CLPTM1L: variants seen among roughly 807,000 people sequenced by gnomAD.
The protein encoded by CLPTM1L is CLPTM1 like.
Under a neutral mutation model 70.9 loss-of-function variants are expected in CLPTM1L, and 38 were observed. The observed-to-expected ratio is 0.54, with a 90% confidence interval of 0.41 to 0.70. The LOEUF (loss-of-function observed/expected upper bound fraction) is 0.70. Among genes scored for constraint, CLPTM1L ranks in the 30% least tolerant of loss-of-function variants. CLPTM1L has a pLI of 0.00. For missense variants in CLPTM1L, 652 were observed against 705.9 expected, an observed-to-expected ratio of 0.92 and a Z score of 0.87; for synonymous variants, 339 against 299.9, an observed-to-expected ratio of 1.13 and a Z score of -1.35.
chr5:1,342,396 T>C lies in CLPTM1L; in HGVS notation c.264-536A>G, dbSNP rs1260857417. On this transcript the variant is annotated intron_variant, in intron 2 of 16. Transcript: ENST00000320895. This position sits in a 1 kb window ranked among gnomAD's most constrained non-coding sequence, Gnocchi z 4.3. ...AGATGATCAGCCACAAAGGACTGAC[T>C]TTCAAGGCTGTCAGTCCTGACTGTG... is the stretch of plus-strand genomic sequence containing the variant. Among the ~76,000 whole-genome samples the C allele has an allele frequency of 2.0e-5, 3 of 152,206 alleles. No individual in the cohort carries two copies. The highest frequency in any genetic ancestry group is 4.4e-5 in the Non-Finnish European group (3 of 68,024).
At position 1,338,885 on chromosome 5, in the gene CLPTM1L, C is replaced by T. The variant is rs1753756694; in HGVS notation, c.574G>A (p.Ala192Thr). The T allele has an allele frequency of 6.2e-7, 1 of 1,613,206 alleles. No individual in the cohort carries two copies. The highest frequency in any genetic ancestry group is 1.1e-5 in the South Asian group (1 of 91,092). The change falls in exon 4 of 17, where the codon GCC becomes ACC. Residue 192 changes from alanine to threonine, a missense_variant. By Grantham distance (58) the Ala-to-Thr change is moderately conservative. Coordinates refer to ENST00000320895, the MANE Select transcript of CLPTM1L (RefSeq NM_030782.5). ...NFVFDGSSLPADVHRYMKMIQ... is the reference protein window; with the variant it reads ...NFVFDGSSLPTDVHRYMKMIQ... Reference sequence around the variant, plus strand: ...ATCTTCATGTACCGATGCACATCGGCAGGCAGGGAGGACCCGTCAAAGACA... The same window carrying T: ...ATCTTCATGTACCGATGCACATCGGTAGGCAGGGAGGACCCGTCAAAGACA...
At chr5:1,328,655 TTCCAGCTCCTTGTCTACAGACACATTTCA>T (rs1752820940) in intron 9 of CLPTM1L, among the ~76,000 whole-genome samples, 6 of 111,806 alleles carry the variant, frequency 5.4e-5, no homozygotes, top group Non-Finnish European at 1.1e-4. Flanking sequence ...GACAGTTTTC[TTCCAGCTCCTTGTCTACAGACACATTTCA>T]TCCAGCTCCT....
intron 14 of CLPTM1L, 24 bp from the exon 15 acceptor site, chr5:1,321,703 G>A: frequency 6.2e-7 from 1 of 1,613,940 alleles, no homozygotes; most frequent in East Asian, 2.2e-5. Flanking sequence ...GACAGGCCCA[G>A]GTCAGCTGTG....
At chr5:1,322,105 C>T (rs1384534224) in intron 13 of CLPTM1L, among the ~76,000 whole-genome samples, 1 of 152,220 alleles carries the variant, frequency 6.6e-6, no homozygotes, top group Non-Finnish European at 1.5e-5. Flanking sequence ...AGCACTGGAG[C>T]ACCCTGGGGC....
At chr5:1,324,621 T>C (rs898120412) in intron 11 of CLPTM1L, 142 bp downstream of exon 11, 3 of 802,416 alleles carry the variant, frequency 3.7e-6, no homozygotes, top group African/African-American at 3.4e-5. Flanking sequence ...GTTTTATGTG[T>C]TCACTCTTGG....
Position 1,341,868 on chromosome 5 carries a change from A to C in CLPTM1L, c.264-8T>G. On this transcript the variant is annotated splice_polypyrimidine_tract_variant and splice_region_variant and intron_variant, in intron 2 of 16. Coordinates refer to ENST00000320895, the MANE Select transcript of CLPTM1L (RefSeq NM_030782.5). ...ACAGAAACATTAACTGTCCTGAAAC[A>C]GAACAATCATTTCCACTACATACAT... 6.2e-7 allele frequency: 1 copy of C among 1,604,218 alleles called. No homozygotes were observed. Among genetic ancestry groups the C allele is most frequent in the Non-Finnish European group, 8.5e-7 (1 of 1,171,970 alleles).
chr5:1,323,852 T>C lies in CLPTM1L; in HGVS notation c.1215A>G (p.Ser405=), dbSNP rs1752339348. 24 of 1,613,418 alleles carry C rather than the reference T, an allele frequency of 1.5e-5. No individual in the cohort carries two copies. Among genetic ancestry groups the C allele is most frequent in the Non-Finnish European group, 2.0e-5 (24 of 1,179,834 alleles). The change falls in exon 12 of 17, where the codon TCA becomes TCG. Residue 405 remains serine (S), a synonymous_variant. Coordinates refer to ENST00000320895, the MANE Select transcript of CLPTM1L (RefSeq NM_030782.5). ...CGACACAGAGAGGGTACAGCAGGTA[T>C]GACAAGTACTTCATGGCCTGCAGGG... is the stretch of plus-strand genomic sequence containing the variant. The part of the protein sequence containing the change: ...EYDTQAMKYL[S]YLLYPLCVGG...
chr5:1,325,850 T>A, intron 9 of CLPTM1L, 34 bp from the exon 10 acceptor site: 3 of 1,595,964 alleles, frequency 1.9e-6, no homozygotes, highest in Non-Finnish European at 2.6e-6. Context: ...GTTCCTTTAA[T>A]ATTCGAAGGC....
chr5:1,334,705 G>C (rs559154498), intron 6 of CLPTM1L, among the ~76,000 whole-genome samples: 1 of 152,202 alleles, frequency 6.6e-6, no homozygotes, highest in East Asian at 1.9e-4. Context: ...AGTAACCAGA[G>C]ATTGTGCCAC....
Position 1,338,944 on chromosome 5 carries a change from G to C in CLPTM1L, c.515C>G (p.Pro172Arg). 6.2e-7 allele frequency: 1 copy of C among 1,613,386 alleles called. No individual in the cohort carries two copies. Residue 172 changes from proline to arginine, a missense_variant, in exon 4 of 17, where the codon CCG (proline) becomes CGG (arginine). Around this residue, in one of 3 missense-constraint regions of CLPTM1L, gnomAD observed 402 missense variants for 388.2 expected, o/e 1.04. Transcript: ENST00000320895. ...CGCCATCACGTTCAGCGCCAGCCGC[G>C]GTCGCCAGTGGGACACTGGCTCATC... ...ALDEPVSHWR[P>R]RLALNVMADN... is the part of the protein sequence containing the mutation.
chr5:1,319,569 C>CA (rs1752033914), intron 16 of CLPTM1L, among the ~76,000 whole-genome samples: 1 of 152,226 alleles, frequency 6.6e-6, no homozygotes, highest in African/African-American at 2.4e-5. Context: ...CAAGGGCCGG[C>CA]ACCCCGGACC....
intron 10 of CLPTM1L, chr5:1,325,220 C>T: frequency 3.7e-6 from 1 of 268,096 alleles, no homozygotes; most frequent in Non-Finnish European, 7.1e-6. Context: ...CCCCCCTGCC[C>T]ACAGCATGGA....
At chr5:1,331,455 A>T (rs1164175407) in intron 8 of CLPTM1L, 2 of 372,296 alleles carry the variant, frequency 5.4e-6, no homozygotes, top group African/African-American at 4.1e-5. Context: ...GTGAGGCCCC[A>T]GCCCTGCTCA....
At chr5:1,340,772 G>A (rs1455806066) in intron 3 of CLPTM1L, among the ~76,000 whole-genome samples, 1 of 152,172 alleles carries the variant, frequency 6.6e-6, no homozygotes, top group South Asian at 2.1e-4. Flanking sequence ...CTGGAAAGCT[G>A]CCATCTTTCT....
chr5:1,332,092 G>A lies in CLPTM1L; in HGVS notation c.892-209C>T, dbSNP rs902769696. ...AGAGTGCCCAGGCGGGCTTTGCAGG[G>A]GCACTTCTGAAATAATACGTACCTT... On this transcript the variant is annotated intron_variant, in intron 7 of 16. Coordinates refer to ENST00000320895, the MANE Select transcript of CLPTM1L (RefSeq NM_030782.5). 7.5e-5 allele frequency: 44 copies of A among 585,764 alleles called. 2 individuals carry two copies. The South Asian group carries it at 9.0e-4, about 12-fold the overall frequency. 36.3% of individuals were successfully genotyped at this position (585,764 alleles called of 1,614,324 possible). A position where few individuals can be genotyped will look rare whatever the true frequency, so the allele number is the denominator to read the frequency against.
chr5:1,327,426 A>G (rs1288747606), intron 9 of CLPTM1L, among the ~76,000 whole-genome samples: 13 of 123,988 alleles, frequency 1.0e-4, no homozygotes, highest in Admixed American at 2.4e-4. Context: ...TCCTCTACAG[A>G]CATATTTCAT....
At chr5:1,333,828 C>G (rs1034558955) in intron 7 of CLPTM1L, among the ~76,000 whole-genome samples, 2 of 151,292 alleles carry the variant, frequency 1.3e-5, no homozygotes, top group Non-Finnish European at 1.5e-5. Context: ...TGTATACACA[C>G]AGGACTGACT....
chr5:1,339,228 C>T (rs1442517058), intron 3 of CLPTM1L, among the ~76,000 whole-genome samples: 1 of 143,258 alleles, frequency 7.0e-6, no homozygotes, highest in African/African-American at 2.6e-5. Flanking sequence ...AGAACGGCCA[C>T]ACAGACGGGC....
At chr5:1,324,214 C>G (rs1308919179) in intron 11 of CLPTM1L, among the ~76,000 whole-genome samples, 1 of 152,240 alleles carries the variant, frequency 6.6e-6, no homozygotes, top group Non-Finnish European at 1.5e-5. Flanking sequence ...AGTTACATCG[C>G]CAGCTGTATC....
Sources: gnomAD v4.1 joint callset for allele counts (sites outside exome capture counted in the v4.1 genomes callset) on GRCh38, gnomAD v4.1.1 for gene constraint, gnomAD v4.1.1 regional missense constraint, Gnocchi (gnomAD v3.1) non-coding constraint, MANE v1.5 for transcripts, NCBI Gene and HGNC (gene_info 2026-07-23, HGNC 2026-07-21) for gene names.